INO80D: variants seen among roughly 807,000 people sequenced by gnomAD.
The protein encoded by INO80D is INO80 complex subunit D.
A neutral mutation model predicts 87.6 loss-of-function variants in INO80D; 21 were observed. The ratio of observed to expected loss-of-function variants is 0.24; its 90% CI spans 0.17 to 0.35. The LOEUF (loss-of-function observed/expected upper bound fraction) is 0.35, where lower values mean the gene tolerates loss of function less well. Ranked by LOEUF, INO80D falls within the 10% of genes least tolerant of loss-of-function variation. The probability of loss-of-function intolerance (pLI) is 1.00; values close to 1 mark genes in which losing one functional copy is unlikely to be tolerated. For synonymous variants in INO80D, 440 were observed against 491.0 expected, an observed-to-expected ratio of 0.90 and a Z score of 1.37; for missense variants, 982 against 1,280.7, an observed-to-expected ratio of 0.77 and a Z score of 3.56.
chr2:206,027,537 A>C (rs1688649858), intron 6 of INO80D, among the ~76,000 whole-genome samples: 1 of 151,754 alleles, frequency 6.6e-6, no homozygotes, highest in Non-Finnish European at 1.5e-5. Flanking sequence ...TCACCTCTAC[A>C]AAAAAAAATT....
chr2:206,080,603 C>A (rs1399026594), intron 1 of INO80D, among the ~76,000 whole-genome samples: 1 of 151,968 alleles, frequency 6.6e-6, no homozygotes, highest in Non-Finnish European at 1.5e-5. Context: ...ATTAAAAATT[C>A]ACATCAAGAA....
chr2:205,997,282 C>T lies in INO80D; in HGVS notation c.*7086G>A, dbSNP rs763102227. On this transcript the variant is annotated 3_prime_UTR_variant, in exon 11 of 11. Transcript: ENST00000403263. Reference sequence around the variant, plus strand: ...TATGAATCAGGGGTAGCACAATTTTCCTATAGCTGAAATATGGGGATGGGA... The same window carrying T: ...TATGAATCAGGGGTAGCACAATTTTTCTATAGCTGAAATATGGGGATGGGA... 2.0e-5 allele frequency: 3 copies of T among 151,498 alleles called. No homozygotes were observed. The highest frequency in any genetic ancestry group is 2.9e-5 in the Non-Finnish European group (2 of 67,852). The allele number at this position is 151,498 out of a possible 1,614,324, so 9.4% of individuals were successfully genotyped here. A position where few individuals can be genotyped will look rare whatever the true frequency, so the allele number is the denominator to read the frequency against.
intron 1 of INO80D, among the ~76,000 whole-genome samples, chr2:206,072,556 G>A (rs1379014423): frequency 1.3e-5 from 2 of 152,040 alleles, no homozygotes; most frequent in Non-Finnish European, 2.9e-5. Context: ...AGGATTACAG[G>A]CATGAGCCAC....
intron 6 of INO80D, among the ~76,000 whole-genome samples, chr2:206,023,680 TAAA>T (rs55665575): frequency 4.9e-5 from 5 of 101,512 alleles, no homozygotes; most frequent in Admixed American, 2.3e-4. Flanking sequence ...GAGACTCATC[TAAA>T]AAAAAAAAAA....
chr2:206,039,810 C>CAA (rs35689223), intron 5 of INO80D, among the ~76,000 whole-genome samples: 11 of 101,042 alleles, frequency 1.1e-4, no homozygotes, highest in Non-Finnish European at 1.3e-4. Flanking sequence ...CCTCTGTCTC[C>CAA]AAAAAAAAAA....
chr2:206,011,890 A>G (rs1688185760), intron 8 of INO80D, among the ~76,000 whole-genome samples: 1 of 152,198 alleles, frequency 6.6e-6, no homozygotes, highest in Non-Finnish European at 1.5e-5. Flanking sequence ...TAGGAAGAAA[A>G]ATGAGGTAGA....
chr2:206,045,662 C>T (rs1039083720), intron 5 of INO80D, among the ~76,000 whole-genome samples: 7 of 151,800 alleles, frequency 4.6e-5, no homozygotes, highest in Non-Finnish European at 5.9e-5. Context: ...CAGTATACCC[C>T]GACAGCTTTC....
intron 7 of INO80D, 131 bp from the exon 8 acceptor site, chr2:206,017,944 C>T (rs533099610): frequency 1.3e-6 from 1 of 741,760 alleles, no homozygotes; most frequent in South Asian, 2.1e-5. Flanking sequence ...TTACCCATAT[C>T]AGTACTAGCT....
At chr2:206,072,858 T>TTC (rs1417035136) in intron 1 of INO80D, among the ~76,000 whole-genome samples, 1 of 151,930 alleles carries the variant, frequency 6.6e-6, no homozygotes, top group Non-Finnish European at 1.5e-5. Flanking sequence ...TTTTTTTTTT[T>TTC]TTAAGAGACA....
intron 6 of INO80D, among the ~76,000 whole-genome samples, chr2:206,020,794 T>G (rs566460145): frequency 5.7e-4 from 87 of 152,286 alleles, no homozygotes; most frequent in African/African-American, 2.1e-3. Flanking sequence ...CGTATTCATT[T>G]TATTAGTCTG....
intron 7 of INO80D, among the ~76,000 whole-genome samples, chr2:206,018,216 C>T (rs1005635303): frequency 6.6e-6 from 1 of 152,246 alleles, no homozygotes; most frequent in African/African-American, 2.4e-5. Context: ...TCTCAGCTCA[C>T]TGCCACCTCG....
chr2:206,018,289 C>A (rs1479998311), intron 7 of INO80D, among the ~76,000 whole-genome samples: 1 of 152,196 alleles, frequency 6.6e-6, no homozygotes, highest in Non-Finnish European at 1.5e-5. Context: ...GGATTACAGG[C>A]ATCTGTCACC....
chr2:206,021,859 C>T (rs568281738), intron 6 of INO80D, among the ~76,000 whole-genome samples: 94 of 152,094 alleles, frequency 6.2e-4, no homozygotes, highest in African/African-American at 2.2e-3. Context: ...GGTGATCCAC[C>T]TGCCTCAGCC....
At chr2:206,051,703 G>A (rs2105874793) in intron 4 of INO80D, among the ~76,000 whole-genome samples, 2 of 151,668 alleles carry the variant, frequency 1.3e-5, no homozygotes, top group Admixed American at 1.3e-4. Context: ...ATCTCACTAT[G>A]TTTCCCAGGC....
At chr2:206,006,480 C>G (rs963958498) in intron 10 of INO80D, among the ~76,000 whole-genome samples, 2 of 151,458 alleles carry the variant, frequency 1.3e-5, no homozygotes, top group African/African-American at 4.9e-5. Context: ...GTTGAGAGTT[C>G]GAGACCAGCC....
chr2:206,040,725 CA>C, intron 5 of INO80D: 1 of 277,728 alleles, frequency 3.6e-6, no homozygotes, highest in South Asian at 3.6e-5. Context: ...CTGTCATCCA[CA>C]AGGATGTCTT....
At chr2:206,058,329 G>A (rs534609099) in intron 3 of INO80D, among the ~76,000 whole-genome samples, 78 of 149,296 alleles carry the variant, frequency 5.2e-4, no homozygotes, top group African/African-American at 1.9e-3. Flanking sequence ...TGAGGCAGGA[G>A]AATGGCGCGA....
intron 8 of INO80D, among the ~76,000 whole-genome samples, chr2:206,013,877 C>T (rs180921942): frequency 1.8e-3 from 268 of 147,018 alleles, no homozygotes; most frequent in African/African-American, 5.9e-3. Flanking sequence ...AGCCTATATT[C>T]GCTGGGCATG....
At chr2:206,070,287 G>A (rs1276219228) in intron 1 of INO80D, among the ~76,000 whole-genome samples, 1 of 151,964 alleles carries the variant, frequency 6.6e-6, no homozygotes, top group Non-Finnish European at 1.5e-5. Context: ...AGCTGGGTGT[G>A]GTGGCATGTG....
Sources: allele counts gnomAD v4.1 joint callset (sites outside exome capture counted in the v4.1 genomes callset), GRCh38; gene constraint gnomAD v4.1.1; transcripts MANE v1.5; gene names NCBI Gene and HGNC (gene_info 2026-07-23, HGNC 2026-07-21).